Variants in CECR2 observed in about 807,000 individuals in gnomAD.
The protein encoded by CECR2 is CECR2 histone acetyl-lysine reader, also known as chromatin remodeling regulator CECR2.
In CECR2, 30 loss-of-function variants were observed where a neutral mutation model predicts 154.5. The observed-to-expected ratio is 0.19, with a 90% confidence interval of 0.15 to 0.26. The LOEUF (loss-of-function observed/expected upper bound fraction) is 0.26, where lower values mean the gene tolerates loss of function less well. Among genes scored for constraint, CECR2 ranks in the 10% least tolerant of loss-of-function variants. The pLI is 1.00. For synonymous variants in CECR2, 725 were observed against 683.7 expected (o/e 1.06, Z -0.94); for missense variants, 1,743 against 1,829.3 (o/e 0.95, Z 0.86).
chr22:17,525,859 C>G (rs909596144), intron 9 of CECR2, among the ~76,000 whole-genome samples: 2 of 152,070 alleles, frequency 1.3e-5, no homozygotes, highest in East Asian at 1.9e-4. Flanking sequence ...ATTTTTATGG[C>G]TCAGTTTCTG....
intron 8 of CECR2, chr22:17,519,145 G>A (rs2056111028): frequency 6.5e-6 from 1 of 154,326 alleles, no homozygotes; most frequent in Non-Finnish European, 1.4e-5. Flanking sequence ...CATAGTAAGT[G>A]GTTTCTTTCA....
intron 8 of CECR2, among the ~76,000 whole-genome samples, 164 bp from the exon 9 acceptor site, chr22:17,523,954 A>G: frequency 6.6e-6 from 1 of 152,276 alleles, no homozygotes; most frequent in Non-Finnish European, 1.5e-5. Flanking sequence ...TTTAACATTT[A>G]TGTATATCCA....
chr22:17,472,352 T>C (rs941487439), intron 1 of CECR2, among the ~76,000 whole-genome samples: 2 of 152,218 alleles, frequency 1.3e-5, no homozygotes, highest in African/African-American at 4.8e-5. Context: ...GCTTTTTTTC[T>C]TTCTGTATTC....
chr22:17,511,990 C>A, intron 8 of CECR2, 94 bp downstream of exon 8: 1 of 944,840 alleles, frequency 1.1e-6, no homozygotes, highest in Non-Finnish European at 1.6e-6. Context: ...TATTTTCCTT[C>A]ATTTTTTTTC....
chr22:17,425,417 A>G (rs577935272), intron 1 of CECR2, among the ~76,000 whole-genome samples: 1 of 152,224 alleles, frequency 6.6e-6, no homozygotes, highest in South Asian at 2.1e-4. Context: ...TTCAATACAT[A>G]TTTATTGAGG....
At chr22:17,439,809 G>T (rs576436946) in intron 1 of CECR2, among the ~76,000 whole-genome samples, 2 of 152,300 alleles carry the variant, frequency 1.3e-5, no homozygotes, top group South Asian at 4.1e-4. Context: ...GCGTGGTTCT[G>T]TGTGGCCTAA....
intron 1 of CECR2, among the ~76,000 whole-genome samples, chr22:17,459,554 T>TC (rs953328630): frequency 3.3e-5 from 5 of 151,748 alleles, no homozygotes; most frequent in Non-Finnish European, 7.4e-5. Flanking sequence ...TTCAAGGGAC[T>TC]CCCCCGGCGT....
At chr22:17,546,009 A>AC (rs1955109870) in intron 16 of CECR2, among the ~76,000 whole-genome samples, 1 of 152,022 alleles carries the variant, frequency 6.6e-6, no homozygotes, top group African/African-American at 2.4e-5. Flanking sequence ...ACACAATCAC[A>AC]CCACTACACT....
At chr22:17,364,336 C>G (rs1251658961) in intron 1 of CECR2, among the ~76,000 whole-genome samples, 1 of 22,914 alleles carries the variant, frequency 4.4e-5, no homozygotes, top group Non-Finnish European at 8.0e-5. Context: ...GAGCAAGACT[C>G]TGTCTCAAAA....
chr22:17,375,470 G>A (rs888997319), intron 1 of CECR2, among the ~76,000 whole-genome samples: 8 of 152,130 alleles, frequency 5.3e-5, no homozygotes, highest in Admixed American at 1.3e-4. Flanking sequence ...TGCCGATATG[G>A]TTGTGAACAT....
chr22:17,442,861 A>G (rs2054605577), intron 1 of CECR2, among the ~76,000 whole-genome samples: 1 of 152,178 alleles, frequency 6.6e-6, no homozygotes, highest in African/African-American at 2.4e-5. Flanking sequence ...ACTAGATGAT[A>G]GTAGTAATTC....
At chr22:17,497,103 G>A (rs1294709165) in intron 2 of CECR2, among the ~76,000 whole-genome samples, 1 of 152,084 alleles carries the variant, frequency 6.6e-6, no homozygotes, top group Admixed American at 6.6e-5. Context: ...AGAACAGCCT[G>A]GGCAACATAG....
chr22:17,434,330 G>C (rs1368066788), intron 1 of CECR2, among the ~76,000 whole-genome samples: 1 of 152,192 alleles, frequency 6.6e-6, no homozygotes, highest in Non-Finnish European at 1.5e-5. Flanking sequence ...ATCCTTCTAG[G>C]CAGCTGTAGT....
chr22:17,517,727 A>T (rs1169608089), intron 8 of CECR2, among the ~76,000 whole-genome samples: 2 of 152,240 alleles, frequency 1.3e-5, no homozygotes, highest in Non-Finnish European at 2.9e-5. Flanking sequence ...ACTCAGTTAC[A>T]AGGCTTGGCC....
chr22:17,534,206 G>T (rs1412355859), intron 9 of CECR2, among the ~76,000 whole-genome samples: 1 of 152,052 alleles, frequency 6.6e-6, no homozygotes, highest in Non-Finnish European at 1.5e-5. Context: ...TGTGCCTGTA[G>T]TCCCAGCCAC....
chr22:17,431,423 A>G (rs962154466), intron 1 of CECR2, among the ~76,000 whole-genome samples: 1 of 152,214 alleles, frequency 6.6e-6, no homozygotes. Flanking sequence ...TTGTACATAC[A>G]TGTTTCCTGT....
rs761052719 is a variant in CECR2, at chr22:17,540,420, A to C, written c.1504A>C (p.Lys502Gln). The C allele has an allele frequency of 6.5e-7, 1 of 1,546,472 alleles. No homozygotes were observed. Among genetic ancestry groups the C allele is most frequent in the Admixed American group, 1.9e-5 (1 of 51,608 alleles). The part of the protein sequence containing the change: ...KYNGESSEYT[K>Q]MSDNLERCFH... ...CTCCTGTCTTCCTATAGAGTATACCAAGATGTCTGATAATTTAGAGAGGTG... is the reference window on the plus strand; with the variant it reads ...CTCCTGTCTTCCTATAGAGTATACCCAGATGTCTGATAATTTAGAGAGGTG... Residue 502 changes from lysine to glutamine, a missense_variant, in exon 14 of 19, where the codon AAG (lysine) becomes CAG (glutamine). Transcript: ENST00000262608.
chr22:17,430,645 T>G (rs986890912), intron 1 of CECR2, among the ~76,000 whole-genome samples: 1 of 152,176 alleles, frequency 6.6e-6, no homozygotes, highest in African/African-American at 2.4e-5. Context: ...TAAGCCTGAC[T>G]TGTACTCTGT....
intron 1 of CECR2, among the ~76,000 whole-genome samples, chr22:17,470,805 T>G (rs2055114515): frequency 6.6e-6 from 1 of 152,138 alleles, no homozygotes; most frequent in Non-Finnish European, 1.5e-5. Context: ...CTTCTCACCC[T>G]CCAGTCTCTC....
Sources: gnomAD v4.1 joint callset for allele counts (sites outside exome capture counted in the v4.1 genomes callset) on GRCh38, gnomAD v4.1.1 for gene constraint, MANE v1.5 for transcripts, NCBI Gene and HGNC (gene_info 2026-07-23, HGNC 2026-07-21) for gene names.